The following ROBO2 variants were observed in gnomAD, a reference collection of about 807,000 sequenced individuals.
ROBO2 encodes the protein roundabout homolog 2.
ROBO2 carries 53 observed loss-of-function variants against 160.8 expected under a neutral mutation model. The observed-to-expected ratio is 0.33, with a 90% CI of 0.26 to 0.41. ROBO2 has a LOEUF of 0.41. ROBO2 is among the 10% of genes least tolerant of loss of function. The pLI, the probability that ROBO2 is intolerant of heterozygous loss-of-function variation, is 1.00. For missense variants in ROBO2, 1,577 were observed against 1,722.4 expected (o/e 0.92, Z 1.49); for synonymous variants, 664 against 611.7 (o/e 1.09, Z -1.26).
intron 2 of ROBO2, among the ~76,000 whole-genome samples, chr3:76,544,048 G>T (rs975976839): frequency 6.6e-6 from 1 of 151,876 alleles, no homozygotes; most frequent in Non-Finnish European, 1.5e-5. Flanking sequence ...TAGCATTTTA[G>T]ACACTATTTT....
rs11329652 is a variant in ROBO2 at position 76,391,521 on chromosome 3, CTT to C, written c.109+453930_109+453931del. 4.1e-5 allele frequency among the ~76,000 whole-genome samples: 6 copies of C among 148,044 alleles called. No individual in the cohort carries two copies. In the South Asian group the frequency reaches 8.5e-4, roughly 21 times the overall value. On this transcript the variant is annotated intron_variant, in intron 2 of 26. Coordinates refer to the ROBO2 transcript ENST00000487694. ...TAACATCTTCCTCATGATGGTGATA[CTT>C]TTTTTTTTTTGAGATGGAATCTCGC...
intron 2 of ROBO2, among the ~76,000 whole-genome samples, chr3:76,536,979 T>C (rs896519548): frequency 3.3e-5 from 5 of 152,028 alleles, no homozygotes; most frequent in Non-Finnish European, 5.9e-5. Context: ...AACGAAACTG[T>C]AAGCCAGACT....
chr3:76,491,395 T>C (rs2079818073), intron 2 of ROBO2, among the ~76,000 whole-genome samples: 1 of 152,184 alleles, frequency 6.6e-6, no homozygotes, highest in Admixed American at 6.5e-5. Flanking sequence ...ATTCTACTTA[T>C]AAACCCAAAG....
chr3:76,328,504 A>G (rs2073201596), intron 2 of ROBO2, among the ~76,000 whole-genome samples: 1 of 151,892 alleles, frequency 6.6e-6, no homozygotes, highest in Non-Finnish European at 1.5e-5. Flanking sequence ...AGGCGGGCAG[A>G]TGACAAGATC....
At chr3:76,530,587 C>T (rs1307608077) in intron 2 of ROBO2, among the ~76,000 whole-genome samples, 5 of 152,150 alleles carry the variant, frequency 3.3e-5, no homozygotes, top group African/African-American at 1.2e-4. Context: ...CCCGTCTCGT[C>T]TCAGTAACTT....
At chr3:76,079,677 G>C (rs1434139334) in intron 2 of ROBO2, among the ~76,000 whole-genome samples, 3 of 151,756 alleles carry the variant, frequency 2.0e-5, no homozygotes, top group Non-Finnish European at 2.9e-5. Flanking sequence ...GTAAAGATGG[G>C]GTTTCACCGT....
chr3:76,833,359 AT>A (rs1266792214), intron 2 of ROBO2, among the ~76,000 whole-genome samples: 2 of 152,200 alleles, frequency 1.3e-5, no homozygotes, highest in African/African-American at 2.4e-5. Flanking sequence ...GTATGTAGCA[AT>A]ATATGATTAC....
chr3:76,477,377 G>C (rs890098887), intron 2 of ROBO2, among the ~76,000 whole-genome samples: 4 of 152,076 alleles, frequency 2.6e-5, no homozygotes, highest in Non-Finnish European at 5.9e-5. Flanking sequence ...ATATTTTTAT[G>C]ATTAAACAGC....
At chr3:75,970,577 C>T (rs637978) in intron 2 of ROBO2, among the ~76,000 whole-genome samples, 107,639 of 151,352 alleles carry the variant, frequency 0.71, 41,214 homozygotes, top group South Asian at 0.89. Flanking sequence ...GACATTCCTC[C>T]TAAATTCTGT....
chr3:76,425,506 G>C (rs2076180548), intron 2 of ROBO2, among the ~76,000 whole-genome samples: 2 of 151,092 alleles, frequency 1.3e-5, no homozygotes, highest in Admixed American at 6.6e-5. Flanking sequence ...GTGTGTGTGT[G>C]TGTGTGTGTG....
chr3:76,465,354 A>G (rs927769185), intron 2 of ROBO2, among the ~76,000 whole-genome samples: 1 of 152,088 alleles, frequency 6.6e-6, no homozygotes, highest in African/African-American at 2.4e-5. Context: ...GAAATATTGT[A>G]AATATGAAAA....
intron 2 of ROBO2, among the ~76,000 whole-genome samples, chr3:77,292,235 G>A (rs1345896985): frequency 6.6e-6 from 1 of 150,512 alleles, no homozygotes; most frequent in Non-Finnish European, 1.5e-5. Context: ...GATCACCCCA[G>A]ATGTAAAGCA....
At chr3:77,081,335 C>T (rs1449895694) in intron 1 of ROBO2, among the ~76,000 whole-genome samples, 1 of 152,198 alleles carries the variant, frequency 6.6e-6, no homozygotes, top group East Asian at 1.9e-4. Flanking sequence ...GCAATTCTGT[C>T]TTGGATGCCA....
chr3:75,998,041 G>C (rs1443632081), intron 2 of ROBO2, among the ~76,000 whole-genome samples: 3 of 152,116 alleles, frequency 2.0e-5, no homozygotes, highest in African/African-American at 7.2e-5. Context: ...CTGAAGATGG[G>C]AGAAAGATCT....
chr3:76,194,709 T>A (rs1702179156), intron 2 of ROBO2, among the ~76,000 whole-genome samples: 1 of 151,812 alleles, frequency 6.6e-6, no homozygotes, highest in Admixed American at 6.6e-5. Flanking sequence ...AACCTCCGAC[T>A]CCCTGGTTCA....
At chr3:77,227,827 C>T (rs928617471) in intron 2 of ROBO2, among the ~76,000 whole-genome samples, 1 of 152,218 alleles carries the variant, frequency 6.6e-6, no homozygotes, top group Admixed American at 6.5e-5. Context: ...ACTGTCAAGT[C>T]AGTCAAAATA....
At chr3:76,955,750 A>T (rs1230071031) in intron 2 of ROBO2, among the ~76,000 whole-genome samples, 1 of 152,164 alleles carries the variant, frequency 6.6e-6, no homozygotes, top group Non-Finnish European at 1.5e-5. Context: ...ACAAACATAG[A>T]TTTAGAAAAT....
chr3:76,174,265 C>G (rs1202733038), intron 2 of ROBO2, among the ~76,000 whole-genome samples: 1 of 152,052 alleles, frequency 6.6e-6, no homozygotes, highest in Non-Finnish European at 1.5e-5. Context: ...GGATTTTAGA[C>G]CTTTGTCAGA....
intron 1 of ROBO2, among the ~76,000 whole-genome samples, chr3:77,052,444 C>T (rs2065318324): frequency 6.6e-6 from 1 of 152,136 alleles, no homozygotes; most frequent in Admixed American, 6.5e-5. Context: ...TAGCATCAGT[C>T]AGCTGCCTTT....
Sources: allele counts gnomAD v4.1 joint callset (sites outside exome capture counted in the v4.1 genomes callset), GRCh38; gene constraint gnomAD v4.1.1; transcripts MANE v1.5; gene names NCBI Gene and HGNC (gene_info 2026-07-23, HGNC 2026-07-21).